The following AP1S3 variants were observed in gnomAD, a reference collection of about 807,000 sequenced individuals.
The protein encoded by AP1S3 is AP-1 complex subunit sigma-3.
AP1S3 carries 10 observed loss-of-function variants against 20.9 expected under a neutral mutation model. That is an observed-to-expected ratio of 0.48 (90% CI 0.29 to 0.81). AP1S3 has a LOEUF of 0.81. Ranked by LOEUF, AP1S3 falls within the 30% of genes least tolerant of loss-of-function variation. The pLI is 0.08. For synonymous variants in AP1S3, 41 were observed against 61.5 expected, an observed-to-expected ratio of 0.67 and a Z score of 1.56; for missense variants, 154 against 183.8, an observed-to-expected ratio of 0.84 and a Z score of 0.94.
rs372613369 is a variant in AP1S3, at chr2:223,809,269, T to C, written c.3+28179A>G. On this transcript the variant is annotated intron_variant, in intron 1 of 4. Transcript: ENST00000396654. ...TTCGCTCACTGGACCACAGGGTCTTTGCACCAGCTATGCCTTCTGCTCAGA... is the reference window on the plus strand; with the variant it reads ...TTCGCTCACTGGACCACAGGGTCTTCGCACCAGCTATGCCTTCTGCTCAGA... 3.2e-4 allele frequency among the ~76,000 whole-genome samples: 49 copies of C among 152,296 alleles called. No homozygotes were observed. The East Asian group carries it at 5.0e-3, about 16-fold the overall frequency.
At chr2:223,765,159 CCATCATCATCAT>C in intron 4 of AP1S3, 42 bp downstream of exon 4, 1 of 1,560,230 alleles carries the variant, frequency 6.4e-7, no homozygotes. Flanking sequence ...ATTATTAACA[CCATCATCATCAT>C]CATCATCATC....
chr2:223,814,830 A>G (rs1462502265), intron 1 of AP1S3, among the ~76,000 whole-genome samples: 1 of 152,206 alleles, frequency 6.6e-6, no homozygotes, highest in East Asian at 1.9e-4. Context: ...AGGCTGGTGT[A>G]CAATGGCACG....
chr2:223,798,657 T>C (rs142380065), intron 1 of AP1S3, among the ~76,000 whole-genome samples: 221 of 152,294 alleles, frequency 1.5e-3, no homozygotes, highest in African/African-American at 5.1e-3. Context: ...GAAGGAAGGA[T>C]AGACAGGTAG....
chr2:223,777,558 G>T, intron 2 of AP1S3, 133 bp downstream of exon 2: 2 of 750,804 alleles, frequency 2.7e-6, no homozygotes, highest in Non-Finnish European at 4.2e-6. Flanking sequence ...TTAGTCTATT[G>T]GTACAAATAT....
At chr2:223,824,521 C>T (rs1458365122) in intron 1 of AP1S3, among the ~76,000 whole-genome samples, 3 of 149,584 alleles carry the variant, frequency 2.0e-5, no homozygotes, top group Non-Finnish European at 3.0e-5. Context: ...ACTTTTGACT[C>T]ATTTCTCCAA....
intron 3 of AP1S3, among the ~76,000 whole-genome samples, chr2:223,769,807 G>C (rs1434869732): frequency 7.4e-6 from 1 of 134,412 alleles, no homozygotes; most frequent in African/African-American, 2.9e-5. Flanking sequence ...GCAGTGGCGC[G>C]ATCTCGGCTC....
intron 1 of AP1S3, among the ~76,000 whole-genome samples, chr2:223,786,546 G>T (rs181060816): frequency 1.4e-4 from 22 of 151,752 alleles, no homozygotes; most frequent in African/African-American, 4.8e-4. Flanking sequence ...TTGAGGCCAG[G>T]AATTCAAGAC....
intron 1 of AP1S3, among the ~76,000 whole-genome samples, chr2:223,830,871 A>G (rs1230542351): frequency 6.6e-6 from 1 of 152,250 alleles, no homozygotes; most frequent in Non-Finnish European, 1.5e-5. Flanking sequence ...AGATGCCTGT[A>G]GGAAAGTTTT....
At chr2:223,827,530 T>C (rs985009518) in intron 1 of AP1S3, among the ~76,000 whole-genome samples, 1 of 151,808 alleles carries the variant, frequency 6.6e-6, no homozygotes, top group Non-Finnish European at 1.5e-5. Flanking sequence ...TTACAGGGGT[T>C]TGCCACCACA....
intron 1 of AP1S3, among the ~76,000 whole-genome samples, chr2:223,818,117 C>T (rs1443546120): frequency 6.7e-6 from 1 of 150,220 alleles, no homozygotes; most frequent in Non-Finnish European, 1.5e-5. Context: ...GGATTCTATA[C>T]TTCTATAAAA....
intron 1 of AP1S3, among the ~76,000 whole-genome samples, chr2:223,788,655 T>C (rs1691132688): frequency 6.6e-6 from 1 of 150,768 alleles, no homozygotes; most frequent in African/African-American, 2.4e-5. Flanking sequence ...TCCCAGCTAC[T>C]TGGGAGGCTG....
chr2:223,837,506 G>C lies in AP1S3; in HGVS notation c.-56C>G. 1 of 1,228,318 alleles carries C rather than the reference G, an allele frequency of 8.1e-7. No homozygotes were observed. 76.1% of individuals were successfully genotyped at this position (1,228,318 alleles called of 1,614,324 possible). A position where few individuals can be genotyped will look rare whatever the true frequency, so the allele number is the denominator to read the frequency against. On this transcript the variant is annotated 5_prime_UTR_variant, in exon 1 of 5. Coordinates refer to ENST00000396654, the MANE Select transcript of AP1S3 (RefSeq NM_001039569.2). Reference sequence around the variant, plus strand: ...CGAGCAAGGAGCGCTGGAGAAGCGAGGGCGAGAGGCGAGCGCTGGAGCCGG... The same window carrying C: ...CGAGCAAGGAGCGCTGGAGAAGCGACGGCGAGAGGCGAGCGCTGGAGCCGG...
intron 1 of AP1S3, among the ~76,000 whole-genome samples, chr2:223,813,310 A>C (rs551574862): frequency 6.6e-6 from 1 of 152,234 alleles, no homozygotes; most frequent in African/African-American, 2.4e-5. Flanking sequence ...GTGCCTTTTG[A>C]AATTTACGCC....
At position 223,758,329 on chromosome 2, in the gene AP1S3, A is replaced by G. The variant is rs1376678711; in HGVS notation, c.*386T>C. 2 of 989,514 alleles carry G rather than the reference A, an allele frequency of 2.0e-6. No individual in the cohort carries two copies. The highest frequency in any genetic ancestry group is 2.4e-6 in the Non-Finnish European group (2 of 831,014). 61.3% of individuals were successfully genotyped at this position (989,514 alleles called of 1,614,324 possible). A position where few individuals can be genotyped will look rare whatever the true frequency, so the allele number is the denominator to read the frequency against. On this transcript the variant is annotated 3_prime_UTR_variant, in exon 5 of 5. Coordinates refer to ENST00000396654, the MANE Select transcript of AP1S3 (RefSeq NM_001039569.2). ...AGAAAAAGTATTAATGACATCATAT[A>G]TACTTTACATTCAAAATCATGGATT...
chr2:223,823,614 G>A (rs1472064088), intron 1 of AP1S3, among the ~76,000 whole-genome samples: 1 of 152,136 alleles, frequency 6.6e-6, no homozygotes, highest in East Asian at 1.9e-4. Flanking sequence ...AGGAGATATT[G>A]GTTGAAGGAT....
chr2:223,758,319 G>A lies in AP1S3; in HGVS notation c.*396C>T. On this transcript the variant is annotated 3_prime_UTR_variant, in exon 5 of 5. Transcript: ENST00000396654. ...CTAAACATTTAGAAAAAGTATTAAT[G>A]ACATCATATATACTTTACATTCAAA... 1.0e-6 allele frequency: 1 copy of A among 982,244 alleles called. No individual in the cohort carries two copies. Among genetic ancestry groups the A allele is most frequent in the Non-Finnish European group, 1.2e-6 (1 of 825,334 alleles). The allele number at this position is 982,244 out of a possible 1,614,324, so 60.8% of individuals were successfully genotyped here.
At chr2:223,832,732 T>C (rs1692302474) in intron 1 of AP1S3, among the ~76,000 whole-genome samples, 1 of 151,930 alleles carries the variant, frequency 6.6e-6, no homozygotes, top group Non-Finnish European at 1.5e-5. Context: ...TACAGGTTCA[T>C]AGTTCGGTTT....
chr2:223,833,285 A>C (rs541117426), intron 1 of AP1S3, among the ~76,000 whole-genome samples: 3 of 111,988 alleles, frequency 2.7e-5, no homozygotes, highest in African/African-American at 3.9e-5. Context: ...TACATACATA[A>C]ACAACATAAT....
At chr2:223,824,134 G>A (rs1692060105) in intron 1 of AP1S3, among the ~76,000 whole-genome samples, 1 of 152,032 alleles carries the variant, frequency 6.6e-6, no homozygotes. Flanking sequence ...TGGGACTACA[G>A]GCATGCATCA....
Sources: allele counts gnomAD v4.1 joint callset (sites outside exome capture counted in the v4.1 genomes callset), GRCh38; gene constraint gnomAD v4.1.1; transcripts MANE v1.5; gene names NCBI Gene and HGNC (gene_info 2026-07-23, HGNC 2026-07-21).